Variants in KCNIP4 observed in about 807,000 individuals in gnomAD.
The protein encoded by KCNIP4 is potassium voltage-gated channel interacting protein 4.
Under a neutral mutation model 34.0 loss-of-function variants are expected in KCNIP4, and 12 were observed. The ratio of observed to expected loss-of-function variants is 0.35; its 90% CI spans 0.23 to 0.57. KCNIP4 has a LOEUF of 0.57. Ranked by LOEUF, KCNIP4 falls within the 20% of genes least tolerant of loss-of-function variation. The pLI is 0.83. For missense variants in KCNIP4, 238 were observed against 311.7 expected (o/e 0.76, Z 1.78); for synonymous variants, 124 against 102.2 (o/e 1.21, Z -1.29).
intron 1 of KCNIP4, among the ~76,000 whole-genome samples, chr4:20,951,554 A>C (rs1393849699): frequency 6.6e-6 from 1 of 152,192 alleles, no homozygotes. Context: ...TTAATAAAAG[A>C]CTAAATGCTA....
chr4:21,223,239 C>T (rs991408493), intron 1 of KCNIP4, among the ~76,000 whole-genome samples: 9 of 152,078 alleles, frequency 5.9e-5, no homozygotes, highest in Non-Finnish European at 1.2e-4. Context: ...CTGGAAGGGG[C>T]CATGCTGCTG....
chr4:20,982,868 T>A (rs79149659), intron 1 of KCNIP4, among the ~76,000 whole-genome samples: 3,860 of 152,322 alleles, frequency 0.025, 171 homozygotes, highest in African/African-American at 0.089. Flanking sequence ...AAATATTCAT[T>A]ACTTGGCAAT....
At chr4:20,753,770 A>T (rs988651496) in intron 4 of KCNIP4, among the ~76,000 whole-genome samples, 5 of 152,224 alleles carry the variant, frequency 3.3e-5, no homozygotes, top group African/African-American at 1.2e-4. Flanking sequence ...GACAAGAAGG[A>T]TACTCAGTGG....
At chr4:21,621,323 G>A (rs561438360) in intron 1 of KCNIP4, among the ~76,000 whole-genome samples, 34 of 152,268 alleles carry the variant, frequency 2.2e-4, no homozygotes, top group African/African-American at 8.2e-4. Flanking sequence ...ACCCTGAAGT[G>A]TGCTGTTCAC....
chr4:21,082,712 A>G (rs1746103725), intron 1 of KCNIP4, among the ~76,000 whole-genome samples: 1 of 151,816 alleles, frequency 6.6e-6, no homozygotes, highest in Non-Finnish European at 1.5e-5. Flanking sequence ...GGACTAATTC[A>G]ACTAGAACTG....
intron 1 of KCNIP4, among the ~76,000 whole-genome samples, chr4:21,565,826 A>T (rs1739840512): frequency 6.6e-6 from 1 of 152,164 alleles, no homozygotes; most frequent in African/African-American, 2.4e-5. Context: ...TTGCTGAAAT[A>T]TAAAATGGGA....
At chr4:21,105,025 G>A (rs943428922) in intron 1 of KCNIP4, among the ~76,000 whole-genome samples, 1 of 151,714 alleles carries the variant, frequency 6.6e-6, no homozygotes, top group African/African-American at 2.4e-5. Context: ...AAGTCAGGTA[G>A]CGTGATGCTT....
intron 1 of KCNIP4, among the ~76,000 whole-genome samples, chr4:21,007,109 T>TA (rs888092818): frequency 6.6e-6 from 1 of 152,072 alleles, no homozygotes; most frequent in African/African-American, 2.4e-5. Context: ...TTTAAAACTT[T>TA]AAAAAAATAC....
chr4:20,850,341 G>A (rs1720872511), intron 3 of KCNIP4: 3 of 478,638 alleles, frequency 6.3e-6, no homozygotes, highest in Middle Eastern at 1.2e-3. Flanking sequence ...TGTTTAATGG[G>A]CAATCACAGT....
chr4:20,817,951 G>T (rs1488096421), intron 3 of KCNIP4, among the ~76,000 whole-genome samples: 1 of 152,158 alleles, frequency 6.6e-6, no homozygotes, highest in African/African-American at 2.4e-5. Flanking sequence ...CCAATAATCT[G>T]AATTGTGGGT....
chr4:21,169,767 A>C (rs1040975616), intron 1 of KCNIP4, among the ~76,000 whole-genome samples: 2 of 151,780 alleles, frequency 1.3e-5, no homozygotes, highest in African/African-American at 4.8e-5. Context: ...ACAGAAGGAC[A>C]TCAGAATGGT....
chr4:21,003,449 G>A (rs1738305408), intron 1 of KCNIP4, among the ~76,000 whole-genome samples: 1 of 152,202 alleles, frequency 6.6e-6, no homozygotes, highest in East Asian at 1.9e-4. Context: ...CTTTACCTAA[G>A]AGTGATCAAT....
chr4:21,054,838 C>T (rs1208469546), intron 1 of KCNIP4, among the ~76,000 whole-genome samples: 1 of 151,716 alleles, frequency 6.6e-6, no homozygotes, highest in East Asian at 1.9e-4. Flanking sequence ...AGAAGAAAAC[C>T]TAGAAGACCT....
intron 1 of KCNIP4, among the ~76,000 whole-genome samples, chr4:21,511,774 C>G (rs935290324): frequency 6.6e-6 from 1 of 152,116 alleles, no homozygotes; most frequent in Non-Finnish European, 1.5e-5. Flanking sequence ...CCTTAGAGTC[C>G]CGTGATAACT....
At chr4:21,756,411 G>A (rs1221272083) in intron 1 of KCNIP4, among the ~76,000 whole-genome samples, 1 of 151,922 alleles carries the variant, frequency 6.6e-6, no homozygotes, top group Admixed American at 6.6e-5. Context: ...AAAATTATCC[G>A]GGTATGGTGG....
intron 3 of KCNIP4, among the ~76,000 whole-genome samples, chr4:20,823,851 T>C (rs893771836): frequency 6.6e-6 from 1 of 152,148 alleles, no homozygotes; most frequent in African/African-American, 2.4e-5. Context: ...GATATTGCAA[T>C]AGTCAAAGCC....
In KCNIP4 at chr4:21,936,602, C is replaced by T. The variant is rs747083609; in HGVS notation, c.61+11969G>A. Among the ~76,000 whole-genome samples, 78 of 152,100 alleles carry T rather than the reference C, an allele frequency of 5.1e-4. 1 individual carries two copies. Among genetic ancestry groups the T allele is most frequent in the African/African-American group, 1.1e-3 (44 of 41,510 alleles). Reference sequence around the variant, plus strand: ...TGAGGAAGAAAAGCAACAGAATTACCGGGCAAGAATGGTCCAGGCACACAT... The same window carrying T: ...TGAGGAAGAAAAGCAACAGAATTACTGGGCAAGAATGGTCCAGGCACACAT... On this transcript the variant is annotated intron_variant, in intron 1 of 8. Coordinates refer to ENST00000382152, the MANE Select transcript of KCNIP4 (RefSeq NM_025221.6).
At chr4:20,963,360 G>C (rs1734038410) in intron 1 of KCNIP4, among the ~76,000 whole-genome samples, 1 of 151,278 alleles carries the variant, frequency 6.6e-6, no homozygotes, top group Admixed American at 6.6e-5. Flanking sequence ...AAAAAAGAAA[G>C]TATAAATAAT....
chr4:21,396,828 A>C (rs752615982), intron 1 of KCNIP4, among the ~76,000 whole-genome samples: 1 of 152,208 alleles, frequency 6.6e-6, no homozygotes, highest in Non-Finnish European at 1.5e-5. Context: ...GCTAGAAAAC[A>C]GATTCTCTCT....
Sources: allele counts gnomAD v4.1 joint callset (sites outside exome capture counted in the v4.1 genomes callset), GRCh38; gene constraint gnomAD v4.1.1; transcripts MANE v1.5; gene names NCBI Gene and HGNC (gene_info 2026-07-23, HGNC 2026-07-21).